ZFHX3: variants seen among roughly 807,000 people sequenced by gnomAD.
ZFHX3 encodes the protein zinc finger homeobox 3, also known as zinc finger homeobox protein 3.
Under a neutral mutation model 279.1 loss-of-function variants are expected in ZFHX3, and 42 were observed. The observed-to-expected ratio is 0.15, with a 90% CI of 0.12 to 0.19. The LOEUF (loss-of-function observed/expected upper bound fraction) is 0.19. Ranked by LOEUF, ZFHX3 falls within the 10% of genes least tolerant of loss-of-function variation. ZFHX3 has a pLI of 1.00. For synonymous variants in ZFHX3, 2,293 were observed against 1,957.8 expected, an observed-to-expected ratio of 1.17 and a Z score of -4.52; for missense variants, 4,981 against 4,754.0, an observed-to-expected ratio of 1.05 and a Z score of -1.40.
At chr16:73,369,675 A>C (rs2016589201) in intron 3 of ZFHX3, among the ~76,000 whole-genome samples, 1 of 152,178 alleles carries the variant, frequency 6.6e-6, no homozygotes, top group African/African-American at 2.4e-5. Flanking sequence ...CCTGCTAAAA[A>C]TGTAGATGCT....
intron 1 of ZFHX3, among the ~76,000 whole-genome samples, chr16:73,792,693 C>G (rs571883151): frequency 6.6e-6 from 1 of 152,072 alleles, no homozygotes; most frequent in South Asian, 2.1e-4. Flanking sequence ...ACAGCATGAA[C>G]GAATGGAGAA....
chr16:73,232,951 C>T (rs749368526), intron 5 of ZFHX3: 11 of 150,884 alleles, frequency 7.3e-5, no homozygotes, highest in Non-Finnish European at 1.5e-4. Flanking sequence ...CAAGATGAGA[C>T]AGTGATGGGT....
chr16:73,881,166 T>C lies in ZFHX3; in HGVS notation c.-1608+10485A>G, dbSNP rs564641088. ...ATTCAGAATAAGTCTATAGATGAAC[T>C]GTCTCTGTATTTTTAAAGAAACTCA... On this transcript the variant is annotated intron_variant, in intron 1 of 17. Coordinates refer to the ZFHX3 transcript ENST00000641206. Among the ~76,000 whole-genome samples, 138 of 152,256 alleles carry C rather than the reference T, an allele frequency of 9.1e-4. 2 individuals carry two copies. Among genetic ancestry groups the C allele is most frequent in the African/African-American group, 2.9e-3 (121 of 41,552 alleles).
At chr16:73,502,978 C>A (rs2019265249) in intron 2 of ZFHX3, among the ~76,000 whole-genome samples, 1 of 152,244 alleles carries the variant, frequency 6.6e-6, no homozygotes, top group South Asian at 2.1e-4. Context: ...GTTCATGGTG[C>A]ATCCACTGGT....
Position 73,190,424 on chromosome 16 carries a change from G to T in ZFHX3, c.-1103-46593C>A, listed in dbSNP as rs563875077. 2.0e-5 allele frequency among the ~76,000 whole-genome samples: 3 copies of T among 152,328 alleles called. No individual in the cohort carries two copies. In the South Asian group the frequency reaches 6.2e-4, roughly 32 times the overall value. Reference sequence around the variant, plus strand: ...CAAGTTTTCTTTGAGCTCACACATAGATTGCCTTTTTCTGGACATGGGAAA... The same window carrying T: ...CAAGTTTTCTTTGAGCTCACACATATATTGCCTTTTTCTGGACATGGGAAA... On this transcript the variant is annotated intron_variant, in intron 5 of 17. Coordinates refer to the ZFHX3 transcript ENST00000641206.
intron 2 of ZFHX3, among the ~76,000 whole-genome samples, chr16:73,488,149 G>A (rs1036353165): frequency 1.3e-5 from 2 of 152,212 alleles, no homozygotes; most frequent in African/African-American, 4.8e-5. Context: ...AAGGAGCCTA[G>A]AAGAATTTGA....
intron 1 of ZFHX3, among the ~76,000 whole-genome samples, chr16:73,791,518 A>G (rs563710243): frequency 4.3e-4 from 65 of 152,156 alleles, no homozygotes; most frequent in African/African-American, 1.5e-3. Flanking sequence ...TCCGTCTCCC[A>G]GGTTCAAGTG....
intron 2 of ZFHX3, among the ~76,000 whole-genome samples, chr16:73,457,859 C>G (rs957631577): frequency 1.3e-5 from 2 of 152,212 alleles, no homozygotes; most frequent in Non-Finnish European, 2.9e-5. Context: ...ATGGGAAGTT[C>G]TCAGCACACA....
At chr16:72,845,569 G>A (rs1461217106) in intron 4 of ZFHX3, among the ~76,000 whole-genome samples, 3 of 152,030 alleles carry the variant, frequency 2.0e-5, no homozygotes, top group African/African-American at 2.4e-5. Context: ...TCTGTGTCAC[G>A]GCACCCCCGT....
chr16:72,986,054 G>A (rs535527083), intron 1 of ZFHX3, among the ~76,000 whole-genome samples: 6 of 133,866 alleles, frequency 4.5e-5, no homozygotes, highest in African/African-American at 1.1e-4. Flanking sequence ...CCCCCACCCC[G>A]CCAACTCCCC....
intron 3 of ZFHX3, among the ~76,000 whole-genome samples, chr16:72,945,008 T>G (rs1960596025): frequency 6.6e-6 from 1 of 152,172 alleles, no homozygotes; most frequent in Non-Finnish European, 1.5e-5. Context: ...ATGTGGTGTC[T>G]AAAGAGTGGA....
intron 1 of ZFHX3, among the ~76,000 whole-genome samples, chr16:72,993,217 G>A (rs1249187738): frequency 6.6e-6 from 1 of 152,192 alleles, no homozygotes; most frequent in Non-Finnish European, 1.5e-5. Context: ...GGCCAGCCTG[G>A]CTGCCTGCTC....
intron 1 of ZFHX3, among the ~76,000 whole-genome samples, chr16:73,863,866 T>G (rs369073647): frequency 2.0e-5 from 3 of 152,230 alleles, no homozygotes; most frequent in East Asian, 1.9e-4. Flanking sequence ...CATAATTTTT[T>G]ACTAGTTACT....
intron 3 of ZFHX3, among the ~76,000 whole-genome samples, chr16:73,364,121 C>T (rs565514828): frequency 9.9e-5 from 15 of 151,352 alleles, no homozygotes; most frequent in Non-Finnish European, 1.9e-4. Flanking sequence ...TGCAGTGAGC[C>T]GAAATGGTAC....
chr16:73,579,602 C>T (rs895308645), intron 2 of ZFHX3, among the ~76,000 whole-genome samples: 4 of 150,328 alleles, frequency 2.7e-5, no homozygotes, highest in Non-Finnish European at 5.9e-5. Flanking sequence ...GCCGGGTTCA[C>T]GCCATTCTCC....
intron 3 of ZFHX3, among the ~76,000 whole-genome samples, chr16:73,393,482 T>G (rs1220077622): frequency 6.6e-6 from 1 of 152,154 alleles, no homozygotes; most frequent in African/African-American, 2.4e-5. Flanking sequence ...TCCTTTGAGA[T>G]CAAAATTATG....
At chr16:72,827,703 C>A (rs997366957) in intron 5 of ZFHX3, among the ~76,000 whole-genome samples, 2 of 152,198 alleles carry the variant, frequency 1.3e-5, no homozygotes, top group African/African-American at 4.8e-5. Context: ...ACATTCAGGG[C>A]CTTCCTTTGA....
At chr16:73,253,561 C>T (rs1370745583) in intron 5 of ZFHX3, among the ~76,000 whole-genome samples, 2 of 151,596 alleles carry the variant, frequency 1.3e-5, no homozygotes, top group African/African-American at 4.9e-5. Context: ...ACGCCATTCT[C>T]CTGCCTCAGC....
At chr16:73,629,644 T>TA (rs140960492) in intron 2 of ZFHX3, among the ~76,000 whole-genome samples, 2,071 of 148,346 alleles carry the variant, frequency 0.014, 63 homozygotes, top group East Asian at 0.085. Context: ...GACATGAAGT[T>TA]AAAAAAAAAG....
Sources: gnomAD v4.1 joint callset for allele counts (sites outside exome capture counted in the v4.1 genomes callset) on GRCh38, gnomAD v4.1.1 for gene constraint, MANE v1.5 for transcripts, NCBI Gene and HGNC (gene_info 2026-07-23, HGNC 2026-07-21) for gene names.